Variants in CCDC88C observed in about 807,000 individuals in gnomAD.
CCDC88C encodes coiled-coil and HOOK domain protein 88C.
A neutral mutation model predicts 198.8 loss-of-function variants in CCDC88C; 131 were observed. The observed-to-expected ratio is 0.66, with a 90% confidence interval of 0.57 to 0.76. The LOEUF is 0.76. CCDC88C is among the 30% of genes least tolerant of loss of function. The pLI is 0.00. For missense variants in CCDC88C, 2,553 were observed against 2,631.6 expected, an observed-to-expected ratio of 0.97 and a Z score of 0.65; for synonymous variants, 1,166 against 1,114.7, an observed-to-expected ratio of 1.05 and a Z score of -0.92.
intron 21 of CCDC88C, among the ~76,000 whole-genome samples, chr14:91,298,909 A>G (rs905255029): frequency 3.3e-5 from 5 of 152,236 alleles, no homozygotes; most frequent in African/African-American, 1.2e-4. Context: ...ATTCACTAGA[A>G]ACACTGACTC....
chr14:91,417,145 A>C, intron 1 of CCDC88C: 1 of 703,178 alleles, frequency 1.4e-6, no homozygotes, highest in South Asian at 1.5e-5. Context: ...AATCCATTGT[A>C]AATCAGTGCG....
Position 91,339,556 on chromosome 14 carries a change from CAG to C in CCDC88C, c.625-96_625-95del, listed in dbSNP as rs1893216971. The stretch of plus-strand genomic sequence containing the variant: ...ACAGGGTGAAGAAACCGCCAAAAGA[CAG>C]ATATTTCAGCGGAGACTAAGAAACG... On this transcript the variant is annotated intron_variant, in intron 7 of 29. Coordinates refer to ENST00000389857, the MANE Select transcript of CCDC88C (RefSeq NM_001080414.4). The surrounding 1 kb of genome is among the most constrained non-coding windows in gnomAD (Gnocchi z 5.8). 14 of 1,218,006 alleles carry C rather than the reference CAG, an allele frequency of 1.1e-5. No individual in the cohort carries two copies. In the East Asian group the frequency reaches 2.6e-4, roughly 22 times the overall value. The allele number at this position is 1,218,006 out of a possible 1,614,324, so 75.4% of individuals were successfully genotyped here.
At chr14:91,359,160 C>CTTTTTT (rs950112450) in intron 4 of CCDC88C, among the ~76,000 whole-genome samples, 48 of 108,650 alleles carry the variant, frequency 4.4e-4, no homozygotes, top group Non-Finnish European at 7.1e-4. Context: ...AGGCTTCATT[C>CTTTTTT]TTTTTTTTTT....
At position 91,339,655 on chromosome 14, in the gene CCDC88C, G is replaced by A. The variant is rs554034361; in HGVS notation, c.625-193C>T. ...AATATTTAGTGAAACAAAAGGGAGT[G>A]TACGAAGGAGGAGGGCCCCAAGCTC... is the stretch of plus-strand genomic sequence containing the variant. On this transcript the variant is annotated intron_variant, in intron 7 of 29. Coordinates refer to ENST00000389857, the MANE Select transcript of CCDC88C (RefSeq NM_001080414.4). This position sits in a 1 kb window ranked among gnomAD's most constrained non-coding sequence, Gnocchi z 5.8. 1.2e-4 allele frequency among the ~76,000 whole-genome samples: 19 copies of A among 152,306 alleles called. No individual in the cohort carries two copies. Among genetic ancestry groups the A allele is most frequent in the African/African-American group, 4.1e-4 (17 of 41,574 alleles).
In CCDC88C at chr14:91,416,798, T is replaced by A. The variant is rs778191329; in HGVS notation, c.101A>T (p.Asn34Ile). The A allele has an allele frequency of 1.3e-5, 21 of 1,613,438 alleles. No homozygotes were observed. The highest frequency in any genetic ancestry group is 1.8e-5 in the Non-Finnish European group (21 of 1,179,806). ...FGPFGSGSQDNLTMYMDLVDG... is the reference protein window; with the variant it reads ...FGPFGSGSQDILTMYMDLVDG... ...CACTAAATCCATGTACATAGTCAGG[T>A]TGTCCTGGCTGCCGCTTCCAAACGG... Residue 34 changes from asparagine (N) to isoleucine (I), a missense_variant, in exon 2 of 30, where the codon AAC (asparagine) becomes ATC (isoleucine). This residue lies in a region of CCDC88C where 1,260 missense variants were observed against 1,412.0 expected (regional missense o/e 0.89). Transcript: ENST00000389857.
intron 3 of CCDC88C, among the ~76,000 whole-genome samples, chr14:91,361,825 C>T (rs764221101): frequency 2.0e-5 from 3 of 152,182 alleles, no homozygotes; most frequent in Non-Finnish European, 2.9e-5. Flanking sequence ...CTACCACCCC[C>T]GGCAAAATAC....
intron 3 of CCDC88C, among the ~76,000 whole-genome samples, chr14:91,375,548 G>A (rs1452815883): frequency 6.6e-6 from 1 of 152,172 alleles, no homozygotes; most frequent in Non-Finnish European, 1.5e-5. Flanking sequence ...AAGGGCAGGC[G>A]CACAGACCCG....
intron 3 of CCDC88C, 126 bp downstream of exon 3, chr14:91,408,533 C>G: frequency 1.5e-6 from 1 of 685,752 alleles, no homozygotes; most frequent in Non-Finnish European, 2.7e-6. Context: ...TGAAAGCAGA[C>G]CAACTGTCAA....
At chr14:91,396,310 G>A (rs150286289) in intron 3 of CCDC88C, among the ~76,000 whole-genome samples, 97 of 152,246 alleles carry the variant, frequency 6.4e-4, no homozygotes, top group Non-Finnish European at 1.0e-3. Context: ...CAAACCCAAG[G>A]CAAAGGAGAA....
chr14:91,359,380 G>A (rs1410626250), intron 4 of CCDC88C, among the ~76,000 whole-genome samples: 1 of 151,848 alleles, frequency 6.6e-6, no homozygotes, highest in South Asian at 2.1e-4. Context: ...TTCATGATCC[G>A]GCCGCCTGGG....
chr14:91,271,364 C>A lies in CCDC88C; in HGVS notation c.*1261G>T, dbSNP rs1270219066. 1 of 151,966 alleles carries A rather than the reference C, an allele frequency of 6.6e-6. No individual in the cohort carries two copies. Among genetic ancestry groups the A allele is most frequent in the Admixed American group, 6.6e-5 (1 of 15,260 alleles). 9.4% of individuals were successfully genotyped at this position (151,966 alleles called of 1,614,324 possible). A position where few individuals can be genotyped will look rare whatever the true frequency, so the allele number is the denominator to read the frequency against. On this transcript the variant is annotated 3_prime_UTR_variant, in exon 30 of 30. Transcript: ENST00000389857. ...TTTATTACAGTCCTGTCCTTGAGTT[C>A]CAGAATGAATGGCTATTTAATACAC...
intron 15 of CCDC88C, among the ~76,000 whole-genome samples, chr14:91,312,600 G>A (rs1006061387): frequency 3.3e-5 from 5 of 152,258 alleles, no homozygotes; most frequent in South Asian, 2.1e-4. Flanking sequence ...CACAAGAATC[G>A]CTTGAATCTG....
At chr14:91,329,262 C>A (rs1892710502) in intron 10 of CCDC88C, among the ~76,000 whole-genome samples, 1 of 152,234 alleles carries the variant, frequency 6.6e-6, no homozygotes, top group Non-Finnish European at 1.5e-5. Flanking sequence ...GTGTGCTGAA[C>A]CTCATCACAA....
Position 91,325,863 on chromosome 14 carries a change from C to T in CCDC88C, c.1197+47G>A. ...GGATTACAGGCATGAGCCACTGTGC[C>T]CGAGCCCAATCTGTTTTCAATGTAG... On this transcript the variant is annotated intron_variant, in intron 11 of 29. Coordinates refer to ENST00000389857, the MANE Select transcript of CCDC88C (RefSeq NM_001080414.4). This position sits in a 1 kb window ranked among gnomAD's most constrained non-coding sequence, Gnocchi z 4.1. 1 of 1,532,366 alleles carries T rather than the reference C, an allele frequency of 6.5e-7. No individual in the cohort carries two copies. Among genetic ancestry groups the T allele is most frequent in the African/African-American group, 1.4e-5 (1 of 72,720 alleles). The allele number at this position is 1,532,366 out of a possible 1,614,324, so 94.9% of individuals were successfully genotyped here.
chr14:91,274,249 G>A (rs1447195009), intron 29 of CCDC88C, among the ~76,000 whole-genome samples: 3 of 152,210 alleles, frequency 2.0e-5, no homozygotes, highest in Non-Finnish European at 4.4e-5. Flanking sequence ...GGGTCCGCGA[G>A]GGTCCAGAAG....
At chr14:91,377,440 G>A (rs756868324) in intron 3 of CCDC88C, among the ~76,000 whole-genome samples, 7 of 152,056 alleles carry the variant, frequency 4.6e-5, no homozygotes, top group Non-Finnish European at 8.8e-5. Flanking sequence ...CGAGCAAGTG[G>A]AGTTCAGGGG....
At chr14:91,395,372 C>A (rs1007510517) in intron 3 of CCDC88C, among the ~76,000 whole-genome samples, 7 of 152,156 alleles carry the variant, frequency 4.6e-5, no homozygotes, top group African/African-American at 1.7e-4. Flanking sequence ...AGCCTCACAA[C>A]CACCTATAAG....
chr14:91,345,190 A>ATATTTTT (rs1246878587), intron 4 of CCDC88C, among the ~76,000 whole-genome samples: 68 of 52,202 alleles, frequency 1.3e-3, no homozygotes, highest in Non-Finnish European at 1.3e-3. Context: ...ATATATATAT[A>ATATTTTT]TTTTTTTTTT....
At chr14:91,293,868 C>G (rs1165342758) in intron 23 of CCDC88C, among the ~76,000 whole-genome samples, 2 of 152,180 alleles carry the variant, frequency 1.3e-5, no homozygotes, top group East Asian at 3.8e-4. Context: ...AATTCTCCCC[C>G]TTGAGATACT....
Sources: gnomAD v4.1 joint callset for allele counts (sites outside exome capture counted in the v4.1 genomes callset) on GRCh38, gnomAD v4.1.1 for gene constraint, gnomAD v4.1.1 regional missense constraint, Gnocchi (gnomAD v3.1) non-coding constraint, MANE v1.5 for transcripts, NCBI Gene and HGNC (gene_info 2026-07-23, HGNC 2026-07-21) for gene names.